The following PPFIA4 variants were observed in gnomAD, a reference collection of about 807,000 sequenced individuals.
PPFIA4 encodes the protein PPFI scaffold protein A4.
In PPFIA4, 98 loss-of-function variants were observed where a neutral mutation model predicts 145.7. The observed-to-expected ratio is 0.67, with a 90% CI of 0.57 to 0.80. PPFIA4 has a LOEUF of 0.80. Among genes scored for constraint, PPFIA4 ranks in the 30% least tolerant of loss-of-function variants. PPFIA4 has a pLI of 0.00. For missense variants in PPFIA4, 1,457 were observed against 1,632.7 expected, an observed-to-expected ratio of 0.89 and a Z score of 1.85; for synonymous variants, 628 against 649.6, an observed-to-expected ratio of 0.97 and a Z score of 0.51.
In PPFIA4 at chr1:203,068,427, G is replaced by C; in HGVS notation, c.3149-26G>C. Reference sequence around the variant, plus strand: ...TTGATGAAACGTAGTATCTCCTTCCGTCCCTTTTCTTCCCCCACACTCCAG... The same window carrying C: ...TTGATGAAACGTAGTATCTCCTTCCCTCCCTTTTCTTCCCCCACACTCCAG... On this transcript the variant is annotated intron_variant, in intron 26 of 29. Transcript: ENST00000295706. The surrounding 1 kb of genome is among the most constrained non-coding windows in gnomAD (Gnocchi z 4.7). 2 of 1,564,140 alleles carry C rather than the reference G, an allele frequency of 1.3e-6. No individual in the cohort carries two copies. Among genetic ancestry groups the C allele is most frequent in the South Asian group, 2.3e-5 (2 of 85,424 alleles).
intron 1 of PPFIA4, among the ~76,000 whole-genome samples, chr1:203,032,782 G>A (rs1658946978): frequency 6.6e-6 from 1 of 152,052 alleles, no homozygotes. Flanking sequence ...CTACTAGGGT[G>A]GCAATGGCAA....
chr1:203,046,205 C>T, intron 8 of PPFIA4, 43 bp from the exon 9 acceptor site: 1 of 1,558,754 alleles, frequency 6.4e-7, no homozygotes, highest in African/African-American at 1.4e-5. Context: ...GTGGGGGCTT[C>T]AGTGCTCCCT....
At chr1:203,046,417 C>A in intron 9 of PPFIA4, 35 bp downstream of exon 9, 1 of 1,553,970 alleles carries the variant, frequency 6.4e-7, no homozygotes, top group South Asian at 1.2e-5. Context: ...CTGCCTCTGT[C>A]CCCCATGTTC....
At chr1:203,069,028 C>T (rs1453617577) in intron 27 of PPFIA4, among the ~76,000 whole-genome samples, 2 of 152,126 alleles carry the variant, frequency 1.3e-5, no homozygotes, top group African/African-American at 4.8e-5. Flanking sequence ...GACCAGAGAG[C>T]CCATATCACC....
intron 2 of PPFIA4, among the ~76,000 whole-genome samples, chr1:203,040,877 TC>T (rs1417657097): frequency 2.0e-5 from 3 of 152,214 alleles, no homozygotes; most frequent in African/African-American, 7.2e-5. Context: ...CTACTTGACT[TC>T]CCACACTGAA....
chr1:203,028,296 G>T (rs148754850), intron 1 of PPFIA4, among the ~76,000 whole-genome samples: 2,287 of 152,272 alleles, frequency 0.015, 33 homozygotes, highest in Non-Finnish European at 0.023. Context: ...GAGGGGCAGG[G>T]CATGGCAGGC....
chr1:203,039,046 GCCT>G lies in PPFIA4; in HGVS notation c.39_41del (p.Leu14del). ...ATGCCCACAATCAATGAGGGGGACC[GCCT>G]GGGTCCCCCTCATGGCGCCGATGCT... is the stretch of plus-strand genomic sequence containing the variant. On this transcript the variant is annotated inframe_deletion, in exon 2 of 30. Transcript: ENST00000295706. 8.2e-6 allele frequency: 13 copies of G among 1,590,100 alleles called. No individual in the cohort carries two copies. Among genetic ancestry groups the G allele is most frequent in the Admixed American group, 1.8e-5 (1 of 55,822 alleles).
Position 203,045,540 on chromosome 1 carries a change from A to G in PPFIA4, c.839A>G (p.His280Arg). The G allele has an allele frequency of 6.3e-7, 1 of 1,597,376 alleles. No individual in the cohort carries two copies. Among genetic ancestry groups the G allele is most frequent in the Non-Finnish European group, 8.5e-7 (1 of 1,172,948 alleles). ...AAGTCGGAGGAGCTGAGCAGCAAGC[A>G]TCAGCGGGACCTCCGGGAGGTGCGT... ...LIKSEELSSK[H>R]QRDLREALAQ... is the part of the protein sequence containing the mutation. The change falls in exon 7 of 30, where the codon CAT becomes CGT. Residue 280 changes from histidine to arginine, a missense_variant. Physicochemically the swap from His to Arg is conservative, Grantham distance 29. Transcript: ENST00000295706.
chr1:203,071,936 C>T (rs1447970094), intron 28 of PPFIA4, among the ~76,000 whole-genome samples, 176 bp downstream of exon 28: 1 of 152,138 alleles, frequency 6.6e-6, no homozygotes, highest in Non-Finnish European at 1.5e-5. Context: ...CCTAGAAGAA[C>T]TTGTCTTGGG....
chr1:203,051,942 T>A, intron 14 of PPFIA4, 65 bp downstream of exon 14: 1 of 1,535,776 alleles, frequency 6.5e-7, no homozygotes, highest in South Asian at 1.2e-5. Flanking sequence ...CTGGCTCCAG[T>A]TACGCAGACG....
chr1:203,076,448 A>T lies in PPFIA4; in HGVS notation c.*58A>T. 3 of 1,517,468 alleles carry T rather than the reference A, an allele frequency of 2.0e-6. No individual in the cohort carries two copies. The highest frequency in any genetic ancestry group is 2.7e-6 in the Non-Finnish European group (3 of 1,100,326). The allele number at this position is 1,517,468 out of a possible 1,614,324, so 94.0% of individuals were successfully genotyped here. Reference sequence around the variant, plus strand: ...GGTTTCACAGGCTCCTCTGGCCCTGACCCCTCTTGCTCGTTCCCCTTCCTT... The same window carrying T: ...GGTTTCACAGGCTCCTCTGGCCCTGTCCCCTCTTGCTCGTTCCCCTTCCTT... On this transcript the variant is annotated 3_prime_UTR_variant, in exon 30 of 30. Coordinates refer to ENST00000295706, the MANE Select transcript of PPFIA4 (RefSeq NM_001304331.2).
At chr1:203,051,181 G>C in intron 13 of PPFIA4, 2 of 985,442 alleles carry the variant, frequency 2.0e-6, no homozygotes, top group South Asian at 9.4e-5. Flanking sequence ...TTGGGGCAAA[G>C]TATTTTCTCT....
In PPFIA4 at chr1:203,078,577, A is replaced by G. The variant is rs1214010111; in HGVS notation, c.*2187A>G. ...TATATTTTTTTTTTGGCGAGTCACC[A>G]GTGACCCGAGCCCTCCACACCAGCC... On this transcript the variant is annotated 3_prime_UTR_variant, in exon 30 of 30. Coordinates refer to ENST00000295706, the MANE Select transcript of PPFIA4 (RefSeq NM_001304331.2). 1.3e-5 allele frequency: 2 copies of G among 152,126 alleles called. No individual in the cohort carries two copies. The highest frequency in any genetic ancestry group is 2.9e-5 in the Non-Finnish European group (2 of 67,946). The allele number at this position is 152,126 out of a possible 1,614,324, so 9.4% of individuals were successfully genotyped here. A position where few individuals can be genotyped will look rare whatever the true frequency, so the allele number is the denominator to read the frequency against.
chr1:203,029,797 A>G (rs1349086072), intron 1 of PPFIA4, among the ~76,000 whole-genome samples: 7 of 152,236 alleles, frequency 4.6e-5, no homozygotes, highest in South Asian at 2.1e-4. Context: ...AAAGCATGGC[A>G]TATGGGTTTA....
At chr1:203,049,851 G>A (rs1046626311) in intron 13 of PPFIA4, 84 bp downstream of exon 13, 7 of 1,212,774 alleles carry the variant, frequency 5.8e-6, no homozygotes, top group Admixed American at 3.3e-5. Context: ...ACAAAAGACT[G>A]CCCAGGACCT....
chr1:203,032,362 G>T (rs1211374263), intron 1 of PPFIA4, among the ~76,000 whole-genome samples: 1 of 151,664 alleles, frequency 6.6e-6, no homozygotes, highest in Non-Finnish European at 1.5e-5. Flanking sequence ...TATAATTTTG[G>T]GTATTTCAGA....
intron 1 of PPFIA4, among the ~76,000 whole-genome samples, chr1:203,029,044 C>T (rs141339912): frequency 6.6e-6 from 1 of 151,976 alleles, no homozygotes; most frequent in Admixed American, 6.5e-5. Context: ...CCTGAGGCAA[C>T]TGAGAATGTC....
At chr1:203,027,325 T>TC (rs1658478045) in intron 1 of PPFIA4, among the ~76,000 whole-genome samples, 1 of 152,222 alleles carries the variant, frequency 6.6e-6, no homozygotes, top group Admixed American at 6.5e-5. Context: ...AGGGATGTTT[T>TC]CCAGCGCAGA....
At position 203,039,046 on chromosome 1, in the gene PPFIA4, G is replaced by C. The variant is rs61821060; in HGVS notation, c.38G>C (p.Arg13Pro). The change falls in exon 2 of 30, where the codon CGC (arginine) becomes CCC (proline). Residue 13 changes from arginine (R) to proline (P), a missense_variant. By Grantham distance (103) the Arg-to-Pro change is moderately radical (BLOSUM62 -2). Around this residue, in one of 3 missense-constraint regions of PPFIA4, gnomAD observed 463 missense variants for 459.8 expected, o/e 1.01. Transcript: ENST00000295706. The stretch of plus-strand genomic sequence containing the variant: ...ATGCCCACAATCAATGAGGGGGACC[G>C]CCTGGGTCCCCCTCATGGCGCCGAT... ...EVMPTINEGD[R>P]LGPPHGADAD... The C allele has an allele frequency of 1, 1,590,392 of 1,590,768 alleles. 795,008 individuals carry two copies. Among genetic ancestry groups the C allele is most frequent in the Middle Eastern group, 1 (6,022 of 6,022 alleles).
Sources: allele counts gnomAD v4.1 joint callset (sites outside exome capture counted in the v4.1 genomes callset), GRCh38; gene constraint gnomAD v4.1.1; regional missense constraint gnomAD v4.1.1; non-coding constraint Gnocchi (gnomAD v3.1); transcripts MANE v1.5; gene names NCBI Gene and HGNC (gene_info 2026-07-23, HGNC 2026-07-21).